EXOC2: variants seen among roughly 807,000 people sequenced by gnomAD.
EXOC2 encodes the protein SEC5-like 1.
EXOC2 carries 70 observed loss-of-function variants against 131.8 expected under a neutral mutation model. That is an observed-to-expected ratio of 0.53 (90% CI 0.44 to 0.65). EXOC2 has a LOEUF of 0.65. Ranked by LOEUF, EXOC2 falls within the 30% of genes least tolerant of loss-of-function variation. EXOC2 has a pLI of 0.00. For synonymous variants in EXOC2, 411 were observed against 398.4 expected (o/e 1.03, Z -0.38); for missense variants, 923 against 1,108.6 (o/e 0.83, Z 2.38).
intron 1 of EXOC2, among the ~76,000 whole-genome samples, chr6:641,473 T>C (rs1762350023): frequency 6.6e-6 from 1 of 152,148 alleles, no homozygotes; most frequent in Admixed American, 6.6e-5. Flanking sequence ...GGTTAGGGTT[T>C]TGAGCAAAGC....
chr6:537,885 C>A (rs921200640), intron 22 of EXOC2, among the ~76,000 whole-genome samples: 17 of 152,218 alleles, frequency 1.1e-4, no homozygotes, highest in South Asian at 2.1e-4. Context: ...CAAAATGATT[C>A]TCTGCAGATA....
At chr6:507,125 TACAC>T (rs111658424) in intron 23 of EXOC2, among the ~76,000 whole-genome samples, 3 of 43,070 alleles carry the variant, frequency 7.0e-5, no homozygotes, top group African/African-American at 1.1e-4. Flanking sequence ...ACTACACACA[TACAC>T]ACACACATAC....
At chr6:557,161 C>T (rs1757456702) in intron 17 of EXOC2, among the ~76,000 whole-genome samples, 1 of 152,044 alleles carries the variant, frequency 6.6e-6, no homozygotes, top group Admixed American at 6.6e-5. Context: ...TCACTTTGTG[C>T]CAGGAACTAC....
At chr6:561,337 T>C (rs989234072) in intron 17 of EXOC2, among the ~76,000 whole-genome samples, 4 of 152,098 alleles carry the variant, frequency 2.6e-5, no homozygotes, top group East Asian at 1.9e-4. Context: ...AGTCCAAGGA[T>C]ATAGAAAGCC....
At chr6:519,062 A>C (rs1050236604) in intron 23 of EXOC2, among the ~76,000 whole-genome samples, 2 of 152,208 alleles carry the variant, frequency 1.3e-5, no homozygotes, top group Non-Finnish European at 1.5e-5. Context: ...GGTGGGTGAC[A>C]GGGAAACCAT....
At chr6:656,364 T>C in intron 1 of EXOC2, 1 of 1,614,220 alleles carries the variant, frequency 6.2e-7, no homozygotes, top group Non-Finnish European at 8.5e-7. Flanking sequence ...CACCTCCGTC[T>C]CTATACTCAG....
Position 564,057 on chromosome 6 carries a change from C to T in EXOC2, c.1765G>A (p.Ala589Thr), listed in dbSNP as rs1757836097. The T allele has an allele frequency of 3.1e-6, 5 of 1,614,076 alleles. No individual in the cohort carries two copies. Among genetic ancestry groups the T allele is most frequent in the Non-Finnish European group, 4.2e-6 (5 of 1,180,000 alleles). ...CCTTCCGCCGTGTGCTGCAACGTGG[C>T]CATTACGCAACGTACTCGGAGATCC... ...ILDLRVRCVMATLQHTAEEIK... is the reference protein window; with the variant it reads ...ILDLRVRCVMTTLQHTAEEIK... Residue 589 changes from alanine (A) to threonine (T), a missense_variant, in exon 16 of 28, where the codon GCC becomes ACC. Coordinates refer to ENST00000230449, the MANE Select transcript of EXOC2 (RefSeq NM_018303.6).
At chr6:674,621 C>A (rs1052071961) in intron 1 of EXOC2, among the ~76,000 whole-genome samples, 3 of 151,996 alleles carry the variant, frequency 2.0e-5, no homozygotes, top group Admixed American at 6.6e-5. Context: ...TTCTCCTTGG[C>A]AATAAGAAAC....
At chr6:648,942 G>C (rs536786685) in intron 1 of EXOC2, among the ~76,000 whole-genome samples, 11 of 151,626 alleles carry the variant, frequency 7.3e-5, no homozygotes, top group Non-Finnish European at 1.3e-4. Flanking sequence ...TGAACTCCTA[G>C]GCTCAAGCAA....
At chr6:666,244 C>A (rs1763639541) in intron 1 of EXOC2, among the ~76,000 whole-genome samples, 1 of 152,224 alleles carries the variant, frequency 6.6e-6, no homozygotes, top group Non-Finnish European at 1.5e-5. Context: ...GAAGACACTT[C>A]TCTTGTTTCC....
At chr6:594,746 A>G (rs1581515797) in intron 10 of EXOC2, among the ~76,000 whole-genome samples, 1 of 152,238 alleles carries the variant, frequency 6.6e-6, no homozygotes, top group East Asian at 1.9e-4. Flanking sequence ...AAAGCAAGAT[A>G]AAGTTGTTCT....
intron 23 of EXOC2, among the ~76,000 whole-genome samples, chr6:499,990 T>C (rs979296945): frequency 6.6e-5 from 10 of 151,948 alleles, no homozygotes; most frequent in African/African-American, 1.7e-4. Flanking sequence ...AGAATGTTCT[T>C]CAGTTTCTTC....
At chr6:528,216 T>A (rs949356932) in intron 23 of EXOC2, among the ~76,000 whole-genome samples, 1 of 152,202 alleles carries the variant, frequency 6.6e-6, no homozygotes, top group Non-Finnish European at 1.5e-5. Flanking sequence ...CAACTGGATT[T>A]TTTTTTTTAA....
chr6:506,699 T>C lies in EXOC2; in HGVS notation c.2381-6999A>G, dbSNP rs1409219069. The stretch of plus-strand genomic sequence containing the variant: ...TACTACCACTTAGCAATTAATCTAG[T>C]AGCCCCGTGTGGAAATTCCCCATGG... On this transcript the variant is annotated intron_variant, in intron 23 of 27. Transcript: ENST00000230449. The surrounding 1 kb of genome is among the most constrained non-coding windows in gnomAD (Gnocchi z 4.4). 2.6e-5 allele frequency among the ~76,000 whole-genome samples: 4 copies of C among 152,004 alleles called. No individual in the cohort carries two copies. The highest frequency in any genetic ancestry group is 5.9e-5 in the Non-Finnish European group (4 of 67,994).
At chr6:561,681 G>C (rs1350366384) in intron 17 of EXOC2, among the ~76,000 whole-genome samples, 1 of 152,126 alleles carries the variant, frequency 6.6e-6, no homozygotes, top group Non-Finnish European at 1.5e-5. Context: ...TGCCTCCTGG[G>C]TTCAAGTGAT....
intron 13 of EXOC2, among the ~76,000 whole-genome samples, chr6:569,445 CTT>C (rs1758149781): frequency 6.6e-6 from 1 of 152,106 alleles, no homozygotes; most frequent in African/African-American, 2.4e-5. Context: ...CGGATGGGCT[CTT>C]AATACAACAA....
intron 25 of EXOC2, among the ~76,000 whole-genome samples, chr6:495,109 G>A (rs1216730113): frequency 7.0e-6 from 1 of 142,900 alleles, no homozygotes; most frequent in East Asian, 2.0e-4. Flanking sequence ...GGCTCCTCTC[G>A]AACCCATGGT....
At chr6:643,726 A>C (rs115064283) in intron 1 of EXOC2, among the ~76,000 whole-genome samples, 4,271 of 152,122 alleles carry the variant, frequency 0.028, 101 homozygotes, top group Non-Finnish European at 0.044. Flanking sequence ...AACCAATAAC[A>C]TAAGTAAAAA....
intron 26 of EXOC2, among the ~76,000 whole-genome samples, chr6:489,557 T>C (rs76248597): frequency 0.018 from 2,780 of 152,316 alleles, 89 homozygotes; most frequent in African/African-American, 0.061. Flanking sequence ...AAAAATTCAA[T>C]GTAAGTTCTT....
Sources: allele counts gnomAD v4.1 joint callset (sites outside exome capture counted in the v4.1 genomes callset), GRCh38; gene constraint gnomAD v4.1.1; non-coding constraint Gnocchi (gnomAD v3.1); transcripts MANE v1.5; gene names NCBI Gene and HGNC (gene_info 2026-07-23, HGNC 2026-07-21).